NWD2: variants seen among roughly 807,000 people sequenced by gnomAD.
The protein encoded by NWD2 is NACHT and WD repeat domain-containing protein 2.
NWD2 carries 37 observed loss-of-function variants against 132.7 expected under a neutral mutation model. The ratio of observed to expected loss-of-function variants is 0.28; its 90% CI spans 0.21 to 0.37. The LOEUF (loss-of-function observed/expected upper bound fraction) is 0.37. Ranked by LOEUF, NWD2 falls within the 10% of genes least tolerant of loss-of-function variation. The pLI is 1.00. For missense variants in NWD2, 1,592 were observed against 2,122.4 expected (o/e 0.75, Z 4.91); for synonymous variants, 705 against 803.0 (o/e 0.88, Z 2.06).
intron 1 of NWD2, among the ~76,000 whole-genome samples, chr4:37,272,619 C>T (rs1276747012): frequency 6.6e-6 from 1 of 151,572 alleles, no homozygotes; most frequent in Admixed American, 6.6e-5. Flanking sequence ...TAGTGGCATG[C>T]CCTCTATTAC....
At chr4:37,358,032 C>A (rs957192996) in intron 3 of NWD2, among the ~76,000 whole-genome samples, 4 of 151,998 alleles carry the variant, frequency 2.6e-5, no homozygotes, top group Non-Finnish European at 5.9e-5. Flanking sequence ...TATCATGGGG[C>A]CTTTTCATCT....
rs908418043 is a variant in NWD2 at position 37,321,123 on chromosome 4, C to T, written c.152-4813C>T. 2.0e-4 allele frequency among the ~76,000 whole-genome samples: 31 copies of T among 152,042 alleles called. 1 individual carries two copies. Among genetic ancestry groups the T allele is most frequent in the Admixed American group, 2.0e-3 (30 of 15,260 alleles). On this transcript the variant is annotated intron_variant, in intron 1 of 6. Transcript: ENST00000309447. ...AGTGAGCCGAGATCATGCCACTGCA[C>T]TTTCAGCCTGGGAAACAGTGAAACT...
chr4:37,407,060 C>T (rs936470304), intron 3 of NWD2, among the ~76,000 whole-genome samples: 1 of 151,936 alleles, frequency 6.6e-6, no homozygotes, highest in Non-Finnish European at 1.5e-5. Context: ...CAGGGAGGGG[C>T]CTGTCAGCAG....
rs77590058 is a variant in NWD2 at position 37,443,004 on chromosome 4, T to C, written c.1297-281T>C. The stretch of plus-strand genomic sequence containing the variant: ...AATTCATGAAACACCTTGTATCTTC[T>C]GGAATACAAGCTAAATATTGCCGAA... On this transcript the variant is annotated intron_variant, in intron 6 of 6. Transcript: ENST00000309447. This position sits in a 1 kb window ranked among gnomAD's most constrained non-coding sequence, Gnocchi z 4.1. Among the ~76,000 whole-genome samples, 1,996 of 152,146 alleles carry C rather than the reference T, an allele frequency of 0.013. 54 individuals carry two copies. Among genetic ancestry groups the C allele is most frequent in the African/African-American group, 0.046 (1,903 of 41,508 alleles).
intron 1 of NWD2, among the ~76,000 whole-genome samples, chr4:37,298,857 G>A (rs1025962470): frequency 6.6e-6 from 1 of 152,160 alleles, no homozygotes; most frequent in African/African-American, 2.4e-5. Context: ...GTACAGCCAA[G>A]CTTTACTGGA....
At chr4:37,390,526 A>G (rs1213589757) in intron 3 of NWD2, among the ~76,000 whole-genome samples, 1 of 152,164 alleles carries the variant, frequency 6.6e-6, no homozygotes, top group East Asian at 1.9e-4. Flanking sequence ...CTTTGAAAAT[A>G]CGATTGCTTT....
intron 3 of NWD2, among the ~76,000 whole-genome samples, chr4:37,374,519 G>T (rs1357436549): frequency 6.6e-6 from 1 of 152,154 alleles, no homozygotes; most frequent in Non-Finnish European, 1.5e-5. Context: ...ACATGAGATG[G>T]TTTCTTGGTA....
chr4:37,296,033 C>T (rs1343089920), intron 1 of NWD2, among the ~76,000 whole-genome samples: 2 of 152,206 alleles, frequency 1.3e-5, no homozygotes, highest in African/African-American at 2.4e-5. Context: ...TGCACACATT[C>T]CCAACTGAGT....
At chr4:37,299,419 A>G (rs552334758) in intron 1 of NWD2, among the ~76,000 whole-genome samples, 64 of 152,142 alleles carry the variant, frequency 4.2e-4, no homozygotes, top group Non-Finnish European at 7.4e-4. Flanking sequence ...GCTGTACTCT[A>G]TATCTGAATT....
intron 3 of NWD2, among the ~76,000 whole-genome samples, chr4:37,383,488 CT>C (rs990985290): frequency 1.4e-4 from 21 of 152,114 alleles, no homozygotes; most frequent in African/African-American, 4.8e-4. Flanking sequence ...CTGAACTGCT[CT>C]ATTATTGGCC....
At chr4:37,399,101 C>A (rs146677474) in intron 3 of NWD2, among the ~76,000 whole-genome samples, 43 of 152,274 alleles carry the variant, frequency 2.8e-4, no homozygotes, top group African/African-American at 7.9e-4. Flanking sequence ...TTTTAAATGG[C>A]GGCTTGTGTC....
At chr4:37,250,157 T>TACAC (rs1456131361) in intron 1 of NWD2, among the ~76,000 whole-genome samples, 2 of 113,130 alleles carry the variant, frequency 1.8e-5, no homozygotes, top group Non-Finnish European at 3.7e-5. Flanking sequence ...TATGTGTGTG[T>TACAC]ATACACACAC....
At chr4:37,406,052 A>T (rs889844403) in intron 3 of NWD2, among the ~76,000 whole-genome samples, 1 of 152,070 alleles carries the variant, frequency 6.6e-6, no homozygotes, top group Non-Finnish European at 1.5e-5. Flanking sequence ...TTCTCTGAAG[A>T]TTTTTTAAAA....
At chr4:37,390,839 A>G (rs1208970315) in intron 3 of NWD2, among the ~76,000 whole-genome samples, 1 of 152,170 alleles carries the variant, frequency 6.6e-6, no homozygotes, top group East Asian at 1.9e-4. Flanking sequence ...TAAATATTTT[A>G]TTTCATTTTT....
rs1721082271 is a variant in NWD2, at chr4:37,408,163, A to G, written c.358-22409A>G. ...TTTCCATACCCCAGTGGTGCCTGGA[A>G]CCCCAGCAAGACAAAACCGATAACC... On this transcript the variant is annotated intron_variant, in intron 3 of 6. Transcript: ENST00000309447. 1.3e-5 allele frequency among the ~76,000 whole-genome samples: 2 copies of G among 152,074 alleles called. 1 individual carries two copies. The highest frequency in any genetic ancestry group is 6.8e-3 in the Middle Eastern group (2 of 294).
At chr4:37,382,680 T>A (rs1046872140) in intron 3 of NWD2, among the ~76,000 whole-genome samples, 3 of 151,968 alleles carry the variant, frequency 2.0e-5, no homozygotes, top group Non-Finnish European at 2.9e-5. Flanking sequence ...TTTATTTTTA[T>A]TTTTTATATA....
intron 2 of NWD2, among the ~76,000 whole-genome samples, chr4:37,355,332 C>G (rs1346120515): frequency 6.6e-6 from 1 of 152,112 alleles, no homozygotes; most frequent in Non-Finnish European, 1.5e-5. Flanking sequence ...TTTTAAAGAG[C>G]TGTCATTTAT....
intron 2 of NWD2, among the ~76,000 whole-genome samples, chr4:37,353,899 T>A (rs1341740503): frequency 6.6e-6 from 1 of 152,006 alleles, no homozygotes; most frequent in East Asian, 1.9e-4. Flanking sequence ...TGGCAAGAAG[T>A]TGTGATCCTT....
chr4:37,290,044 A>G (rs1718326405), intron 1 of NWD2, among the ~76,000 whole-genome samples: 2 of 152,178 alleles, frequency 1.3e-5, no homozygotes, highest in African/African-American at 4.8e-5. Flanking sequence ...TTGCCTAACA[A>G]TCCAGCCATC....
Sources: gnomAD v4.1 joint callset for allele counts (sites outside exome capture counted in the v4.1 genomes callset) on GRCh38, gnomAD v4.1.1 for gene constraint, Gnocchi (gnomAD v3.1) non-coding constraint, MANE v1.5 for transcripts, NCBI Gene and HGNC (gene_info 2026-07-23, HGNC 2026-07-21) for gene names.